ZNF600: variants seen among roughly 807,000 people sequenced by gnomAD.
ZNF600 encodes the protein zinc finger protein KR-ZNF1.
ZNF600 carries 4 observed loss-of-function variants against 7.3 expected under a neutral mutation model. That is an observed-to-expected ratio of 0.55 (90% CI 0.27 to 1.25). ZNF600 has a LOEUF of 1.25. Ranked by LOEUF, ZNF600 falls within the 50% of genes most tolerant of loss-of-function variation. The pLI is 0.12. For synonymous variants in ZNF600, 290 were observed against 308.9 expected (o/e 0.94, Z 0.64); for missense variants, 911 against 922.1 (o/e 0.99, Z 0.16).
At chr19:52,822,850 A>T in the ZNF600 span, among the ~76,000 whole-genome samples, 1 of 152,322 alleles carries the variant, frequency 6.6e-6, no homozygotes, top group Admixed American at 6.5e-5. Flanking sequence ...TCAGCAGTAA[A>T]TAATAAAATT....
the ZNF600 span, chr19:52,798,368 C>T: frequency 2.9e-6 from 1 of 345,950 alleles, no homozygotes; most frequent in East Asian, 8.3e-5. Flanking sequence ...AACTCAAACT[C>T]AGGTCAGTGC....
At chr19:52,779,947 C>G (rs972916891) in intron 1 of ZNF600, among the ~76,000 whole-genome samples, 20 of 152,226 alleles carry the variant, frequency 1.3e-4, no homozygotes, top group African/African-American at 4.6e-4. Flanking sequence ...ACCCAGGAGG[C>G]AGAGGTTGCA....
upstream of ZNF600, among the ~76,000 whole-genome samples, chr19:52,787,861 A>G (rs2062778525): frequency 1.1e-5 from 1 of 95,062 alleles, no homozygotes; most frequent in Admixed American, 9.1e-5. Context: ...CTACGTCTCA[A>G]AAAAAAAAAA....
At chr19:52,783,431 G>A (rs965495799) in intron 1 of ZNF600, among the ~76,000 whole-genome samples, 9 of 151,986 alleles carry the variant, frequency 5.9e-5, no homozygotes, top group East Asian at 3.9e-4. Flanking sequence ...GCGCGATCTC[G>A]GCTCACTGCA....
chr19:52,798,670 A>G, the ZNF600 span: 1 of 437,708 alleles, frequency 2.3e-6, no homozygotes, highest in South Asian at 1.8e-5. Flanking sequence ...AGACCTTGCC[A>G]CAATCATGAC....
At chr19:52,793,516 G>C in the ZNF600 span, among the ~76,000 whole-genome samples, 8 of 152,144 alleles carry the variant, frequency 5.3e-5, no homozygotes. Context: ...CCGTGTGGCT[G>C]GAGCAGTGGA....
chr19:52,781,626 C>T (rs781630570), intron 1 of ZNF600, among the ~76,000 whole-genome samples, 162 bp from the exon 2 acceptor site: 1 of 152,114 alleles, frequency 6.6e-6, no homozygotes, highest in African/African-American at 2.4e-5. Flanking sequence ...ATTAGCCAGG[C>T]ATCATGGCAT....
At chr19:52,776,496 C>T (rs906487419) in intron 2 of ZNF600, among the ~76,000 whole-genome samples, 7 of 151,800 alleles carry the variant, frequency 4.6e-5, no homozygotes, top group African/African-American at 1.7e-4. Context: ...ACTGCAACCT[C>T]GGCCACCCAG....
intron 2 of ZNF600, among the ~76,000 whole-genome samples, chr19:52,775,144 G>C (rs1309315132): frequency 1.3e-5 from 2 of 152,154 alleles, no homozygotes; most frequent in African/African-American, 4.8e-5. Flanking sequence ...GGAGGCTGAG[G>C]CAGGAGAATC....
the ZNF600 span, among the ~76,000 whole-genome samples, chr19:52,806,483 T>G: frequency 4.6e-5 from 7 of 152,068 alleles, no homozygotes; most frequent in Admixed American, 3.9e-4. Flanking sequence ...TGTCAGCCAC[T>G]GCACACGTCC....
the ZNF600 span, among the ~76,000 whole-genome samples, chr19:52,815,693 C>T: frequency 2.7e-5 from 4 of 145,762 alleles, 2 homozygotes; most frequent in African/African-American, 1.1e-4. Flanking sequence ...GGTGTGGTGG[C>T]AGGTGCCTGT....
At chr19:52,769,187 G>C (rs1289683451) in intron 3 of ZNF600, among the ~76,000 whole-genome samples, 1 of 152,126 alleles carries the variant, frequency 6.6e-6, no homozygotes, top group East Asian at 2.0e-4. Context: ...CCCCGGGGGA[G>C]TTTAGAGAAC....
At chr19:52,809,755 A>C in the ZNF600 span, 1 of 459,822 alleles carries the variant, frequency 2.2e-6, no homozygotes, top group Non-Finnish European at 3.8e-6. Flanking sequence ...CAGTGAGCTG[A>C]GATCATGCCA....
chr19:52,779,664 C>G (rs750633398), intron 1 of ZNF600, among the ~76,000 whole-genome samples: 3 of 152,166 alleles, frequency 2.0e-5, no homozygotes, highest in Non-Finnish European at 2.9e-5. Context: ...GCTTAGTGAG[C>G]CAGACTCCCC....
upstream of ZNF600, among the ~76,000 whole-genome samples, chr19:52,787,213 G>T (rs550492112): frequency 4.6e-5 from 7 of 152,236 alleles, no homozygotes; most frequent in African/African-American, 1.2e-4. Flanking sequence ...GGCCAGGGAG[G>T]AGTGAGGTCA....
At chr19:52,807,908 A>G in the ZNF600 span, 1 of 1,562,312 alleles carries the variant, frequency 6.4e-7, no homozygotes, top group Non-Finnish European at 8.7e-7. Context: ...CAAAATCAAT[A>G]CGGCTTCCAT....
chr19:52,815,327 C>A, the ZNF600 span, among the ~76,000 whole-genome samples: 1 of 142,850 alleles, frequency 7.0e-6, no homozygotes, highest in Non-Finnish European at 1.5e-5. Context: ...ATCAGCCTGG[C>A]CAACATGGTG....
At chr19:52,821,599 G>A in the ZNF600 span, 2 of 152,168 alleles carry the variant, frequency 1.3e-5, no homozygotes, top group African/African-American at 4.8e-5. Flanking sequence ...CCGCCGCGGC[G>A]TCACCGTCAT....
chr19:52,821,836 C>T, the ZNF600 span, among the ~76,000 whole-genome samples: 3 of 151,814 alleles, frequency 2.0e-5, no homozygotes, highest in Non-Finnish European at 4.4e-5. Context: ...CCGGGAGATA[C>T]AGCTTGCATT....
Sources: gnomAD v4.1 joint callset for allele counts (sites outside exome capture counted in the v4.1 genomes callset) on GRCh38, gnomAD v4.1.1 for gene constraint, MANE v1.5 for transcripts, NCBI Gene and HGNC (gene_info 2026-07-23, HGNC 2026-07-21) for gene names.